Variants in SDK1 observed in about 807,000 individuals in gnomAD.
The protein encoded by SDK1 is sidekick cell adhesion molecule 1.
In SDK1, 157 loss-of-function variants were observed where a neutral mutation model predicts 245.5. That is an observed-to-expected ratio of 0.64 (90% CI 0.56 to 0.73). The LOEUF (loss-of-function observed/expected upper bound fraction) is 0.73. SDK1 is among the 30% of genes least tolerant of loss of function. The pLI is 0.00. For missense variants in SDK1, 3,583 were observed against 3,002.3 expected (o/e 1.19, Z -4.52); for synonymous variants, 1,647 against 1,278.5 (o/e 1.29, Z -6.15).
intron 13 of SDK1, among the ~76,000 whole-genome samples, chr7:3,986,192 T>C (rs938669824): frequency 8.4e-6 from 1 of 118,926 alleles, no homozygotes; most frequent in African/African-American, 2.7e-5. Flanking sequence ...TAAGTCCCAG[T>C]AAAAACTTTT....
At chr7:3,500,689 T>G (rs934375014) in intron 1 of SDK1, among the ~76,000 whole-genome samples, 1 of 152,182 alleles carries the variant, frequency 6.6e-6, no homozygotes, top group Non-Finnish European at 1.5e-5. Context: ...CAAATTTCTT[T>G]TATTTCTAAG....
At chr7:4,087,479 G>GCACA (rs10660112) in intron 22 of SDK1, among the ~76,000 whole-genome samples, 42,280 of 150,212 alleles carry the variant, frequency 0.28, 6,920 homozygotes, top group African/African-American at 0.44. Flanking sequence ...ACACACGCGC[G>GCACA]CACACACACA....
chr7:3,889,376 TG>T (rs1156968900), intron 5 of SDK1, among the ~76,000 whole-genome samples: 6 of 152,216 alleles, frequency 3.9e-5, no homozygotes, highest in African/African-American at 1.4e-4. Context: ...GGACAGTGAA[TG>T]AAGTGCAGGT....
chr7:4,055,942 T>C (rs2128168738), intron 19 of SDK1, among the ~76,000 whole-genome samples: 1 of 152,328 alleles, frequency 6.6e-6, no homozygotes. Flanking sequence ...GATTCTATTG[T>C]CTTTCTGCTA....
At chr7:3,687,603 G>GA (rs1378907893) in intron 4 of SDK1, among the ~76,000 whole-genome samples, 1 of 152,132 alleles carries the variant, frequency 6.6e-6, no homozygotes, top group African/African-American at 2.4e-5. Context: ...TGGCGGTGAT[G>GA]AAAAAAATTC....
intron 5 of SDK1, among the ~76,000 whole-genome samples, chr7:3,944,887 T>C (rs1361657566): frequency 1.3e-5 from 2 of 152,126 alleles, no homozygotes; most frequent in Non-Finnish European, 2.9e-5. Context: ...CTGAGGACAC[T>C]TGGGGCAGAC....
At chr7:3,305,163 T>A (rs1286559541) in intron 1 of SDK1, among the ~76,000 whole-genome samples, 2 of 152,202 alleles carry the variant, frequency 1.3e-5, no homozygotes, top group African/African-American at 4.8e-5. Context: ...TATCGTTTAT[T>A]CCTACTGAAA....
At chr7:3,478,119 G>A (rs941986355) in intron 1 of SDK1, among the ~76,000 whole-genome samples, 1 of 151,976 alleles carries the variant, frequency 6.6e-6, no homozygotes, top group Non-Finnish European at 1.5e-5. Context: ...AAATTATAAA[G>A]TATTATCCTT....
chr7:4,215,690 G>A (rs866066630), intron 38 of SDK1, among the ~76,000 whole-genome samples: 3 of 152,238 alleles, frequency 2.0e-5, no homozygotes, highest in Non-Finnish European at 2.9e-5. Context: ...TGAGCCACTC[G>A]GTTTTGGAGT....
intron 4 of SDK1, among the ~76,000 whole-genome samples, chr7:3,666,060 C>T (rs1042190944): frequency 2.6e-5 from 4 of 152,200 alleles, no homozygotes; most frequent in Non-Finnish European, 5.9e-5. Context: ...TAGATTCCTG[C>T]AGGAAATCTC....
chr7:4,265,395 G>C lies in SDK1; in HGVS notation c.*11G>C. The C allele has an allele frequency of 7.0e-7, 1 of 1,424,420 alleles. No homozygotes were observed. The highest frequency in any genetic ancestry group is 9.1e-7 in the Non-Finnish European group (1 of 1,099,724). The allele number at this position is 1,424,420 out of a possible 1,614,324, so 88.2% of individuals were successfully genotyped here. On this transcript the variant is annotated 3_prime_UTR_variant, in exon 45 of 45. Coordinates refer to ENST00000404826, the MANE Select transcript of SDK1 (RefSeq NM_152744.4). ...TCCTCCTTCGTGTGAGCAAAGCGCC[G>C]CGCCTCCCTCAGGGCGGAACGGAGG...
At position 3,727,365 on chromosome 7, in the gene SDK1, G is replaced by A. The variant is rs930971416; in HGVS notation, c.713+85260G>A. Among the ~76,000 whole-genome samples, 6 of 152,310 alleles carry A rather than the reference G, an allele frequency of 3.9e-5. No individual in the cohort carries two copies. The South Asian group carries it at 1.0e-3, about 26-fold the overall frequency. On this transcript the variant is annotated intron_variant, in intron 4 of 44. Transcript: ENST00000404826. Reference sequence around the variant, plus strand: ...ATTCCATTGCTCTGTATTCTGGAGAGAAAGTCTGATGTTGGATTTATCATT... The same window carrying A: ...ATTCCATTGCTCTGTATTCTGGAGAAAAAGTCTGATGTTGGATTTATCATT...
chr7:3,350,564 G>A (rs1780633208), intron 1 of SDK1, among the ~76,000 whole-genome samples: 1 of 152,118 alleles, frequency 6.6e-6, no homozygotes, highest in South Asian at 2.1e-4. Context: ...ATAATTGATT[G>A]TCTTTAACTT....
intron 5 of SDK1, among the ~76,000 whole-genome samples, chr7:3,929,846 G>T (rs1303567064): frequency 6.6e-6 from 1 of 152,172 alleles, no homozygotes; most frequent in African/African-American, 2.4e-5. Flanking sequence ...AAGGAAGCTG[G>T]CTCACAGTCA....
intron 22 of SDK1, among the ~76,000 whole-genome samples, chr7:4,086,580 G>T (rs1218510850): frequency 6.6e-6 from 1 of 152,148 alleles, no homozygotes; most frequent in Non-Finnish European, 1.5e-5. Context: ...CTTCAGAGCA[G>T]CCGGGGCAGG....
chr7:3,363,820 A>T (rs1012577554), intron 1 of SDK1, among the ~76,000 whole-genome samples: 1 of 152,196 alleles, frequency 6.6e-6, no homozygotes, highest in African/African-American at 2.4e-5. Flanking sequence ...CCTGGTTCCT[A>T]ACAGGTCATG....
chr7:3,613,541 G>A (rs1296836228), intron 1 of SDK1, among the ~76,000 whole-genome samples: 1 of 152,100 alleles, frequency 6.6e-6, no homozygotes, highest in Non-Finnish European at 1.5e-5. Flanking sequence ...CTCTAATGGT[G>A]GGAGTGTAAA....
At chr7:4,182,861 G>A (rs564752313) in intron 35 of SDK1, among the ~76,000 whole-genome samples, 1 of 152,208 alleles carries the variant, frequency 6.6e-6, no homozygotes, top group African/African-American at 2.4e-5. Context: ...TCACACAAGG[G>A]AATGTAACCG....
chr7:3,360,951 G>A (rs886381558), intron 1 of SDK1, among the ~76,000 whole-genome samples: 2 of 152,198 alleles, frequency 1.3e-5, no homozygotes, highest in South Asian at 2.1e-4. Flanking sequence ...CGTTTGAATA[G>A]TAAGGCCTCC....
Sources: allele counts gnomAD v4.1 joint callset (sites outside exome capture counted in the v4.1 genomes callset), GRCh38; gene constraint gnomAD v4.1.1; transcripts MANE v1.5; gene names NCBI Gene and HGNC (gene_info 2026-07-23, HGNC 2026-07-21).